Variants in BEND2 observed in about 807,000 individuals in gnomAD.
BEND2 encodes BEN domain containing 2, also known as BEN domain-containing protein 2.
Under a neutral mutation model 43.8 loss-of-function variants are expected in BEND2, and 19 were observed. That is an observed-to-expected ratio of 0.43 (90% CI 0.30 to 0.64). The LOEUF is 0.64. BEND2 is among the 30% of genes least tolerant of loss of function. BEND2 has a pLI of 0.11. For missense variants in BEND2, 544 were observed against 574.0 expected (o/e 0.95, Z 0.53); for synonymous variants, 226 against 210.1 (o/e 1.08, Z -0.66).
Position 18,216,536 on chromosome X carries a change from G to A in BEND2, c.223C>T (p.Leu75Phe). ...PGGNDGHHRP[L>F]QMSYGSGSVT... ...ACAAAATTACCATATGACATTTGGAGTGGACGGTGATGGCCATCATTGCCG... is the reference window on the plus strand; with the variant it reads ...ACAAAATTACCATATGACATTTGGAATGGACGGTGATGGCCATCATTGCCG... The change falls in exon 2 of 14, where the codon CTC becomes TTC. Residue 75 changes from leucine (L) to phenylalanine (F), a missense_variant. By Grantham distance (22) the Leu-to-Phe change is conservative (BLOSUM62 0). This residue lies in a region of BEND2 where 501 missense variants were observed against 501.6 expected (regional missense o/e 1.00). Coordinates refer to ENST00000380033, the MANE Select transcript of BEND2 (RefSeq NM_153346.5). The A allele has an allele frequency of 8.3e-7, 1 of 1,204,035 alleles. No individual in the cohort carries two copies.
intron 12 of BEND2, 66 bp from the exon 13 acceptor site, chrX:18,171,270 C>G (rs750531392): frequency 8.6e-5 from 93 of 1,077,073 alleles, no homozygotes; most frequent in Non-Finnish European, 2.5e-6. Context: ...TTTTTAAAAG[C>G]TGAAACAGAA....
intron 1 of BEND2, among the ~76,000 whole-genome samples, 197 bp from the exon 2 acceptor site, chrX:18,216,930 T>C (rs1925692345): frequency 8.9e-6 from 1 of 112,818 alleles, no homozygotes. Flanking sequence ...TATGTATATA[T>C]GTATGTATGC....
rs1159081507 is a variant in BEND2 at position 18,178,666 on chromosome X, T to C, written c.1430-897A>G. Among the ~76,000 whole-genome samples, 12 of 111,662 alleles carry C rather than the reference T, an allele frequency of 1.1e-4. No individual in the cohort carries two copies. In the Admixed American group the frequency reaches 1.2e-3, roughly 11 times the overall value. ...ATTTTCCTGACAAGTGACATTTATGTTGTACTTACATCCCAGGCATTGTGT... is the reference window on the plus strand; with the variant it reads ...ATTTTCCTGACAAGTGACATTTATGCTGTACTTACATCCCAGGCATTGTGT... On this transcript the variant is annotated intron_variant, in intron 9 of 13. Transcript: ENST00000380033.
intron 4 of BEND2, among the ~76,000 whole-genome samples, chrX:18,205,752 G>A (rs1458255488): frequency 9.0e-6 from 1 of 110,886 alleles, no homozygotes; most frequent in Non-Finnish European, 1.9e-5. Context: ...TCCACAAACT[G>A]GCAGTATCAA....
intron 1 of BEND2, among the ~76,000 whole-genome samples, chrX:18,218,863 A>G (rs1925754824): frequency 8.9e-6 from 1 of 112,190 alleles, no homozygotes; most frequent in African/African-American, 3.2e-5. Context: ...CTGCCTCAAA[A>G]AAACAAAACA....
chrX:18,188,440 G>A lies in BEND2; in HGVS notation c.1288+2561C>T, dbSNP rs375931579. The stretch of plus-strand genomic sequence containing the variant: ...ATAAATAAAACCAGAGATTAAAAAG[G>A]AGACATTACAACTGATACCGCAGAA... On this transcript the variant is annotated intron_variant, in intron 8 of 13. Coordinates refer to ENST00000380033, the MANE Select transcript of BEND2 (RefSeq NM_153346.5). Among the ~76,000 whole-genome samples, 43 of 111,200 alleles carry A rather than the reference G, an allele frequency of 3.9e-4. 1 individual carries two copies. The East Asian group carries it at 7.6e-3, about 20-fold the overall frequency.
At chrX:18,180,763 C>G in intron 8 of BEND2, 113 bp from the exon 9 acceptor site, 1 of 533,224 alleles carries the variant, frequency 1.9e-6, no homozygotes, top group East Asian at 3.7e-5. Flanking sequence ...TTGTTGCCAG[C>G]AGACCTACTC....
At position 18,216,733 on chromosome X, in the gene BEND2, T is replaced by C; in HGVS notation, c.26A>G (p.Asp9Gly). The C allele has an allele frequency of 8.5e-7, 1 of 1,176,042 alleles. No homozygotes were observed. The highest frequency in any genetic ancestry group is 1.2e-6 in the Non-Finnish European group (1 of 865,405). The change falls in exon 2 of 14, where the codon GAT becomes GGT. Residue 9 changes from aspartate (D) to glycine (G), a missense_variant and splice_region_variant. This residue lies in a region of BEND2 where 501 missense variants were observed against 501.6 expected (regional missense o/e 1.00). Transcript: ENST00000380033. ...GTCGTCGACAGTTATAATAACAAAA[T>C]CTAAGAATAAGCAAAGAGGAAGATT... MSERTQEQ[D>G]FVIITVDDSD...
intron 13 of BEND2, 93 bp downstream of exon 13, chrX:18,170,908 G>C: frequency 4.2e-6 from 5 of 1,189,253 alleles, no homozygotes; most frequent in Non-Finnish European, 5.7e-6. Flanking sequence ...ATTCTCCCCA[G>C]AACAAACACA....
Position 18,171,201 on chromosome X carries a change from T to C in BEND2, c.1985A>G (p.Tyr662Cys), listed in dbSNP as rs774586339. Residue 662 changes from tyrosine (Y) to cysteine (C), a missense_variant, in exon 13 of 14, where the codon TAT becomes TGT. Transcript: ENST00000380033. ...TATATTTCTCCATGGTCTTCCAAAA[T>C]AGCCTAGAAGCAAAAAAGAAAGATG... The part of the protein sequence containing the change: ...NPEEPGEAWS[Y>C]FGRPWRNIRM... 4 of 1,200,239 alleles carry C rather than the reference T, an allele frequency of 3.3e-6. No individual in the cohort carries two copies. In the African/African-American group the frequency reaches 5.2e-5, roughly 16 times the overall value.
At chrX:18,205,437 GAA>G (rs1171984528) in intron 4 of BEND2, among the ~76,000 whole-genome samples, 2 of 102,231 alleles carry the variant, frequency 2.0e-5, no homozygotes, top group Non-Finnish European at 4.0e-5. Context: ...TCCGTCTCTA[GAA>G]AAAAAAAATA....
At chrX:18,207,785 G>A (rs1474512627) in intron 4 of BEND2, among the ~76,000 whole-genome samples, 2 of 112,424 alleles carry the variant, frequency 1.8e-5, no homozygotes, top group African/African-American at 3.2e-5. Context: ...TTGGGAGGCC[G>A]AGGTGGGCAG....
chrX:18,180,406 A>G lies in BEND2; in HGVS notation c.1429+104T>C, dbSNP rs138782651. 2.2e-3 allele frequency: 2,453 copies of G among 1,091,066 alleles called. 44 individuals are homozygous for G. In the African/African-American group the frequency reaches 0.038, roughly 17 times the overall value. The allele number at this position is 1,091,066 out of a possible 1,213,427, so 89.9% of individuals were successfully genotyped here. On this transcript the variant is annotated intron_variant, in intron 9 of 13. Transcript: ENST00000380033. ...TGGTTCTGAATATCACCTAAAACCT[A>G]TCCTCAAAATAGGAAACACAGAGCT...
chrX:18,217,911 T>A (rs1925721075), intron 1 of BEND2, among the ~76,000 whole-genome samples: 1 of 102,256 alleles, frequency 9.8e-6, no homozygotes, highest in Non-Finnish European at 2.0e-5. Context: ...CGAAATCCTG[T>A]CTCTACCAAA....
At chrX:18,219,077 C>A (rs1236920893) in intron 1 of BEND2, among the ~76,000 whole-genome samples, 3 of 111,493 alleles carry the variant, frequency 2.7e-5, no homozygotes, top group Non-Finnish European at 5.7e-5. Context: ...TAAGAACAAC[C>A]ACTTTCTAAA....
intron 7 of BEND2, among the ~76,000 whole-genome samples, chrX:18,193,952 G>C (rs1205818125): frequency 8.9e-6 from 1 of 111,797 alleles, no homozygotes; most frequent in Non-Finnish European, 1.9e-5. Context: ...GGGTGAAATT[G>C]TCCCTCAGGA....
chrX:18,167,876 T>C (rs113330355), intron 13 of BEND2, among the ~76,000 whole-genome samples: 251 of 112,503 alleles, frequency 2.2e-3, no homozygotes, highest in African/African-American at 7.7e-3. Context: ...TGACCGTAAA[T>C]GTTTAAATGG....
At position 18,216,696 on chromosome X, in the gene BEND2, G is replaced by T; in HGVS notation, c.63C>A (p.Asn21Lys). ...VIITVDDSDD[N>K]NDCSIEMVEV... Reference sequence around the variant, plus strand: ...CCACCATCTCAATACTGCAATCATTGTTATCATCACTGTCGTCGACAGTTA... The same window carrying T: ...CCACCATCTCAATACTGCAATCATTTTTATCATCACTGTCGTCGACAGTTA... The change falls in exon 2 of 14, where the codon AAC (asparagine) becomes AAA (lysine). Residue 21 changes from asparagine to lysine, a missense_variant. Transcript: ENST00000380033. The T allele has an allele frequency of 8.3e-7, 1 of 1,209,587 alleles. No homozygotes were observed. Among genetic ancestry groups the T allele is most frequent in the Non-Finnish European group, 1.1e-6 (1 of 893,816 alleles).
chrX:18,175,982 T>C lies in BEND2; in HGVS notation c.1742A>G (p.Lys581Arg). ...SMIYCLCSEG[K>R]STPKTVRKNK... ...TGAAAAATAACTTACTGGAGTACTC[T>C]TGCCTTCAGAACATAAACAGTAGAT... Residue 581 changes from lysine to arginine, a missense_variant, in exon 11 of 14, where the codon AAG becomes AGG. Transcript: ENST00000380033. 1 of 1,189,193 alleles carries C rather than the reference T, an allele frequency of 8.4e-7. No individual in the cohort carries two copies. The highest frequency in any genetic ancestry group is 1.1e-6 in the Non-Finnish European group (1 of 882,913).
Sources: allele counts gnomAD v4.1 joint callset (sites outside exome capture counted in the v4.1 genomes callset), GRCh38; gene constraint gnomAD v4.1.1; regional missense constraint gnomAD v4.1.1; transcripts MANE v1.5; gene names NCBI Gene and HGNC (gene_info 2026-07-23, HGNC 2026-07-21).